The following TMEM33 variants were observed in gnomAD, a reference collection of about 807,000 sequenced individuals.
TMEM33 encodes the protein transmembrane protein 33.
TMEM33 carries 16 observed loss-of-function variants against 29.7 expected under a neutral mutation model. The observed-to-expected ratio is 0.54, with a 90% CI of 0.36 to 0.82. TMEM33 has a LOEUF of 0.82. Among genes scored for constraint, TMEM33 ranks in the 40% least tolerant of loss-of-function variants. TMEM33 has a pLI of 0.00. For synonymous variants in TMEM33, 112 were observed against 109.4 expected, an observed-to-expected ratio of 1.02 and a Z score of -0.15; for missense variants, 252 against 295.3, an observed-to-expected ratio of 0.85 and a Z score of 1.08.
chr4:41,941,637 AT>A (rs1712546846), intron 3 of TMEM33, among the ~76,000 whole-genome samples: 1 of 152,192 alleles, frequency 6.6e-6, no homozygotes, highest in South Asian at 2.1e-4. Context: ...AATGTTGAAG[AT>A]TAAGGATTTC....
Position 41,942,406 on chromosome 4 carries a change from A to G in TMEM33, c.329-1341A>G, listed in dbSNP as rs115003408. On this transcript the variant is annotated intron_variant, in intron 3 of 6. Coordinates refer to ENST00000504986, the MANE Select transcript of TMEM33 (RefSeq NM_018126.3). ...TAGGGTTCTTCTAATACTTGGATAT[A>G]GGTTGGTGTCTTGCTTGTCAATTGG... Among the ~76,000 whole-genome samples, 781 of 152,328 alleles carry G rather than the reference A, an allele frequency of 5.1e-3. 2 individuals carry two copies. The highest frequency in any genetic ancestry group is 8.7e-3 in the Non-Finnish European group (590 of 68,020).
intron 1 of TMEM33, among the ~76,000 whole-genome samples, chr4:41,936,630 G>T (rs1345813984): frequency 6.6e-6 from 1 of 152,124 alleles, no homozygotes; most frequent in Non-Finnish European, 1.5e-5. Flanking sequence ...CTACTCAGGA[G>T]GCTGAGGTGG....
Position 41,952,774 on chromosome 4 carries a change from G to A in TMEM33, c.615-1296G>A, listed in dbSNP as rs531275324. ...TAGTTCAGTGTATTGATCCAACTGG[G>A]AAGTAACATTTATTGAGCATCTTCC... On this transcript the variant is annotated intron_variant, in intron 6 of 6. Transcript: ENST00000504986. Among the ~76,000 whole-genome samples, 3 of 152,208 alleles carry A rather than the reference G, an allele frequency of 2.0e-5. No individual in the cohort carries two copies. The South Asian group carries it at 6.2e-4, about 32-fold the overall frequency.
chr4:41,959,423 A>T lies in TMEM33; in HGVS notation c.*5224A>T, dbSNP rs1420148959. The T allele has an allele frequency of 1.3e-5, 2 of 152,238 alleles. No homozygotes were observed. Among genetic ancestry groups the T allele is most frequent in the African/African-American group, 4.8e-5 (2 of 41,466 alleles). 9.4% of individuals were successfully genotyped at this position (152,238 alleles called of 1,614,324 possible). On this transcript the variant is annotated 3_prime_UTR_variant, in exon 7 of 7. Coordinates refer to ENST00000504986, the MANE Select transcript of TMEM33 (RefSeq NM_018126.3). Reference sequence around the variant, plus strand: ...ATGTGACAAGAGATAAAGAAAGCACAGTATTTTAAAATCTAAAGCAGATTC... The same window carrying T: ...ATGTGACAAGAGATAAAGAAAGCACTGTATTTTAAAATCTAAAGCAGATTC...
At position 41,954,208 on chromosome 4, in the gene TMEM33, C is replaced by G. The variant is rs1296174593; in HGVS notation, c.*9C>G. ...CACCAACAGTTCCATAGTTTAACAT[C>G]TAGTTAAGCTACAAATATAGTATAA... On this transcript the variant is annotated 3_prime_UTR_variant, in exon 7 of 7. Transcript: ENST00000504986. 4 of 1,613,030 alleles carry G rather than the reference C, an allele frequency of 2.5e-6. No individual in the cohort carries two copies. Among genetic ancestry groups the G allele is most frequent in the Middle Eastern group, 1.7e-4 (1 of 6,058 alleles).
At chr4:41,940,046 CTTTTTTTT>C (rs71650953) in intron 3 of TMEM33, among the ~76,000 whole-genome samples, 5 of 81,358 alleles carry the variant, frequency 6.1e-5, no homozygotes, top group African/African-American at 2.2e-4. Context: ...GTTAAACTTT[CTTTTTTTT>C]TTTTTTTTTT....
intron 5 of TMEM33, among the ~76,000 whole-genome samples, chr4:41,948,926 G>C (rs1712914566): frequency 6.6e-6 from 1 of 151,732 alleles, no homozygotes; most frequent in African/African-American, 2.4e-5. Flanking sequence ...GGGAGTGTTT[G>C]TTTCTTTTTA....
chr4:41,943,889 G>A (rs1205022733), intron 4 of TMEM33, 75 bp downstream of exon 4: 4 of 1,429,488 alleles, frequency 2.8e-6, no homozygotes, highest in Admixed American at 3.5e-5. Flanking sequence ...AGACATTTTG[G>A]TATTTGTCAC....
At chr4:41,941,002 GGTGA>G (rs1712518003) in intron 3 of TMEM33, among the ~76,000 whole-genome samples, 1 of 151,924 alleles carries the variant, frequency 6.6e-6, no homozygotes, top group African/African-American at 2.4e-5. Flanking sequence ...ACAGTTAGTG[GGTGA>G]GTAATACTTA....
rs1323153371 is a variant in TMEM33, at chr4:41,954,127, C to T, written c.672C>T (p.Cys224=). 2 of 1,613,850 alleles carry T rather than the reference C, an allele frequency of 1.2e-6. No individual in the cohort carries two copies. The highest frequency in any genetic ancestry group is 2.7e-5 in the African/African-American group (2 of 74,910). ...AACACATAATAATGAAACCTGCTTGCCCACTGTTTGTGAGAAGACTTTGTC... is the reference window on the plus strand; with the variant it reads ...AACACATAATAATGAAACCTGCTTGTCCACTGTTTGTGAGAAGACTTTGTC... The part of the protein sequence containing the change: ...VVEHIIMKPA[C]PLFVRRLCLQ... Residue 224 remains cysteine (C), a synonymous_variant, in exon 7 of 7, where the codon TGC becomes TGT. Coordinates refer to ENST00000504986, the MANE Select transcript of TMEM33 (RefSeq NM_018126.3).
chr4:41,942,195 A>G (rs1712570837), intron 3 of TMEM33, among the ~76,000 whole-genome samples: 2 of 152,246 alleles, frequency 1.3e-5, no homozygotes, highest in Admixed American at 6.5e-5. Context: ...ACAGAGTTTT[A>G]TAGTGACTTT....
At chr4:41,942,287 A>C (rs1011245043) in intron 3 of TMEM33, among the ~76,000 whole-genome samples, 1 of 152,206 alleles carries the variant, frequency 6.6e-6, no homozygotes, top group Non-Finnish European at 1.5e-5. Flanking sequence ...TACATATATG[A>C]TCTCTACTTA....
At chr4:41,938,436 C>T (rs1478717149) in intron 1 of TMEM33, among the ~76,000 whole-genome samples, 166 bp from the exon 2 acceptor site, 1 of 152,104 alleles carries the variant, frequency 6.6e-6, no homozygotes, top group East Asian at 1.9e-4. Context: ...TCTCATTAAG[C>T]ATATACATGA....
Position 41,943,828 on chromosome 4 carries a change from C to T in TMEM33, c.396+14C>T. 3 of 1,610,754 alleles carry T rather than the reference C, an allele frequency of 1.9e-6. No individual in the cohort carries two copies. The highest frequency in any genetic ancestry group is 2.5e-6 in the Non-Finnish European group (3 of 1,177,406). On this transcript the variant is annotated intron_variant, in intron 4 of 6. Transcript: ENST00000504986. ...AAGGTCCTTGACGTAAGTAAAACTG[C>T]TCTTTGTCTGACTTCTGAATTACAG... is the stretch of plus-strand genomic sequence containing the variant.
At chr4:41,938,192 A>G (rs1168490822) in intron 1 of TMEM33, among the ~76,000 whole-genome samples, 1 of 152,244 alleles carries the variant, frequency 6.6e-6, no homozygotes, top group Non-Finnish European at 1.5e-5. Flanking sequence ...AAGAATAGGC[A>G]TATGGATCTC....
rs1713204520 is a variant in TMEM33, at chr4:41,955,064, A to G, written c.*865A>G. On this transcript the variant is annotated 3_prime_UTR_variant, in exon 7 of 7. Coordinates refer to ENST00000504986, the MANE Select transcript of TMEM33 (RefSeq NM_018126.3). Reference sequence around the variant, plus strand: ...CTTGGTTTCTTAGGCTTGAATTTTCATAGACAATTGCAACAGTTTAGATGC... The same window carrying G: ...CTTGGTTTCTTAGGCTTGAATTTTCGTAGACAATTGCAACAGTTTAGATGC... 6.6e-6 allele frequency: 1 copy of G among 152,668 alleles called. No homozygotes were observed. Among genetic ancestry groups the G allele is most frequent in the Admixed American group, 6.5e-5 (1 of 15,288 alleles). 9.5% of individuals were successfully genotyped at this position (152,668 alleles called of 1,614,324 possible).
chr4:41,956,984 G>GTAAC lies in TMEM33; in HGVS notation c.*2786_*2789dup, dbSNP rs1279704133. 4 of 152,116 alleles carry GTAAC rather than the reference G, an allele frequency of 2.6e-5. No individual in the cohort carries two copies. Among genetic ancestry groups the GTAAC allele is most frequent in the African/African-American group, 9.7e-5 (4 of 41,432 alleles). The allele number at this position is 152,116 out of a possible 1,614,324, so 9.4% of individuals were successfully genotyped here. Reference sequence around the variant, plus strand: ...AATAGCAATATATAGAATGAATGTAGTAACAGAAATTAACTCTTTACTGCA... The same window carrying GTAAC: ...AATAGCAATATATAGAATGAATGTAGTAACTAACAGAAATTAACTCTTTACTGCA... On this transcript the variant is annotated 3_prime_UTR_variant, in exon 7 of 7. Transcript: ENST00000504986.
intron 1 of TMEM33, among the ~76,000 whole-genome samples, chr4:41,935,913 A>T (rs1560514701): frequency 6.6e-6 from 1 of 152,236 alleles, no homozygotes; most frequent in Non-Finnish European, 1.5e-5. Flanking sequence ...GTGCCGGCAA[A>T]GAACGTTTCT....
chr4:41,939,760 T>C (rs1467992154), intron 3 of TMEM33: 1 of 457,464 alleles, frequency 2.2e-6, no homozygotes, highest in Non-Finnish European at 4.4e-6. Flanking sequence ...GGTCCTCAGC[T>C]CTTTCCATCT....
Sources: allele counts gnomAD v4.1 joint callset (sites outside exome capture counted in the v4.1 genomes callset), GRCh38; gene constraint gnomAD v4.1.1; transcripts MANE v1.5; gene names NCBI Gene and HGNC (gene_info 2026-07-23, HGNC 2026-07-21).